Variants in NPTN observed in about 807,000 individuals in gnomAD.
NPTN encodes SDR-1.
NPTN carries 5 observed loss-of-function variants against 42.7 expected under a neutral mutation model. The observed-to-expected ratio is 0.12, with a 90% confidence interval of 0.06 to 0.25. NPTN has a LOEUF of 0.25. NPTN is among the 10% of genes least tolerant of loss of function. NPTN has a pLI of 1.00. For synonymous variants in NPTN, 180 were observed against 201.9 expected, an observed-to-expected ratio of 0.89 and a Z score of 0.92; for missense variants, 307 against 525.4, an observed-to-expected ratio of 0.58 and a Z score of 4.06.
chr15:73,627,709 C>T (rs1430095721), intron 1 of NPTN, among the ~76,000 whole-genome samples: 5 of 152,176 alleles, frequency 3.3e-5, no homozygotes, highest in African/African-American at 1.2e-4. Context: ...GTTAGGCCTA[C>T]TTTCAGTTTC....
chr15:73,602,142 G>A (rs555392002), intron 1 of NPTN, among the ~76,000 whole-genome samples: 5 of 147,654 alleles, frequency 3.4e-5, no homozygotes, highest in African/African-American at 1.3e-4. Flanking sequence ...CTATATAGGA[G>A]AGACTATCAT....
intron 1 of NPTN, chr15:73,599,410 T>TC: frequency 6.5e-6 from 1 of 152,698 alleles, no homozygotes; most frequent in Admixed American, 6.5e-5. Context: ...GGTCAGGAGT[T>TC]CAAGACCAGC....
chr15:73,561,408 C>A (rs1002535701), intron 8 of NPTN, among the ~76,000 whole-genome samples: 22 of 152,202 alleles, frequency 1.4e-4, no homozygotes, highest in African/African-American at 4.6e-4. Context: ...GCGGGGCACA[C>A]TGGCTCATGC....
Position 73,560,066 on chromosome 15 carries a change from C to A in NPTN, c.*997G>T. ...AAACAGGTGAATCCACTTTTTTATA[C>A]ATCATTGCACTTCAATAATTACACA... On this transcript the variant is annotated 3_prime_UTR_variant, in exon 9 of 9. Transcript: ENST00000345330. The A allele has an allele frequency of 1.6e-6, 1 of 614,046 alleles. No homozygotes were observed. Among genetic ancestry groups the A allele is most frequent in the Non-Finnish European group, 2.6e-6 (1 of 382,462 alleles). 38.0% of individuals were successfully genotyped at this position (614,046 alleles called of 1,614,324 possible). A position where few individuals can be genotyped will look rare whatever the true frequency, so the allele number is the denominator to read the frequency against.
intron 1 of NPTN, among the ~76,000 whole-genome samples, chr15:73,608,175 T>C (rs1897377600): frequency 6.6e-6 from 1 of 152,192 alleles, no homozygotes; most frequent in South Asian, 2.1e-4. Flanking sequence ...GATGCTTCAA[T>C]TTACCATTTA....
At chr15:73,621,939 T>A (rs1293842419) in intron 1 of NPTN, among the ~76,000 whole-genome samples, 2 of 152,082 alleles carry the variant, frequency 1.3e-5, no homozygotes, top group Non-Finnish European at 2.9e-5. Flanking sequence ...AAGGGAGAGC[T>A]CTTACAATGA....
intron 4 of NPTN, among the ~76,000 whole-genome samples, chr15:73,577,162 T>C (rs776994459): frequency 6.6e-6 from 1 of 152,216 alleles, no homozygotes; most frequent in East Asian, 1.9e-4. Flanking sequence ...AGTAAAACTA[T>C]AGATGAGAGT....
Position 73,570,197 on chromosome 15 carries a change from A to G in NPTN, c.1067T>C (p.Ile356Thr), listed in dbSNP as rs769227658. ...ILAEIIILVV[I>T]IVVYEKRKRP... is the part of the protein sequence containing the mutation. ...CTTCCTCTTCTCATACACAACAATG[A>G]TCACCACAAGGATGATAATTTCAGC... is the stretch of plus-strand genomic sequence containing the variant. Residue 356 changes from isoleucine (I) to threonine (T), a missense_variant, in exon 6 of 9, where the codon ATC becomes ACC. By Grantham distance (89) the Ile-to-Thr change is moderately conservative. Transcript: ENST00000345330. This position sits in a 1 kb window ranked among gnomAD's most constrained non-coding sequence, Gnocchi z 4.0. The G allele has an allele frequency of 6.2e-7, 1 of 1,614,026 alleles. No homozygotes were observed. The highest frequency in any genetic ancestry group is 1.1e-5 in the South Asian group (1 of 91,066).
intron 1 of NPTN, among the ~76,000 whole-genome samples, chr15:73,629,923 C>G (rs901976910): frequency 1.3e-5 from 2 of 152,068 alleles, no homozygotes; most frequent in African/African-American, 4.8e-5. Context: ...TTGGCAATTG[C>G]AGACACAGTG....
At chr15:73,621,160 A>G (rs1323413874) in intron 1 of NPTN, among the ~76,000 whole-genome samples, 2 of 152,206 alleles carry the variant, frequency 1.3e-5, no homozygotes, top group Non-Finnish European at 2.9e-5. Flanking sequence ...GATGAAAAAT[A>G]ACAAGGGTCC....
chr15:73,619,505 T>C (rs1898028088), intron 1 of NPTN, among the ~76,000 whole-genome samples: 1 of 152,212 alleles, frequency 6.6e-6, no homozygotes, highest in African/African-American at 2.4e-5. Context: ...TACATTACTG[T>C]AGTATTAGCA....
At chr15:73,589,743 A>G (rs1262443862) in intron 3 of NPTN, among the ~76,000 whole-genome samples, 1 of 151,260 alleles carries the variant, frequency 6.6e-6, no homozygotes, top group African/African-American at 2.5e-5. Flanking sequence ...ACTATGGACG[A>G]GGAGAGACAT....
intron 1 of NPTN, among the ~76,000 whole-genome samples, chr15:73,615,306 A>G (rs954546297): frequency 2.0e-5 from 3 of 152,190 alleles, no homozygotes; most frequent in African/African-American, 7.2e-5. Flanking sequence ...CTCTGAAAGG[A>G]AATTCATTAT....
chr15:73,600,164 T>A (rs545763191), intron 1 of NPTN, among the ~76,000 whole-genome samples: 139 of 152,308 alleles, frequency 9.1e-4, no homozygotes, highest in African/African-American at 3.2e-3. Context: ...GACTTCCTGC[T>A]AAGAGTAAGG....
At chr15:73,632,973 G>A (rs1275759728) in intron 1 of NPTN, 152 bp downstream of exon 1, 14 of 537,832 alleles carry the variant, frequency 2.6e-5, no homozygotes. Flanking sequence ...CCTCAAACCC[G>A]CAGCCGGTAC....
chr15:73,569,822 A>T lies in NPTN; in HGVS notation c.1114+328T>A, dbSNP rs2141358354. Reference sequence around the variant, plus strand: ...GCCTGATGATCTGTATTGAAGGAGGACAGAGCTGAACAAAGAGACTGACAG... The same window carrying T: ...GCCTGATGATCTGTATTGAAGGAGGTCAGAGCTGAACAAAGAGACTGACAG... On this transcript the variant is annotated intron_variant, in intron 6 of 8. Coordinates refer to ENST00000345330, the MANE Select transcript of NPTN (RefSeq NM_012428.4). The surrounding 1 kb of genome is among the most constrained non-coding windows in gnomAD (Gnocchi z 4.1). 1.0e-6 allele frequency: 1 copy of T among 985,376 alleles called. No homozygotes were observed. The highest frequency in any genetic ancestry group is 4.7e-5 in the South Asian group (1 of 21,282). The allele number at this position is 985,376 out of a possible 1,614,324, so 61.0% of individuals were successfully genotyped here. A position where few individuals can be genotyped will look rare whatever the true frequency, so the allele number is the denominator to read the frequency against.
chr15:73,563,957 T>C (rs1362134273), intron 6 of NPTN, among the ~76,000 whole-genome samples: 1 of 152,198 alleles, frequency 6.6e-6, no homozygotes, highest in Non-Finnish European at 1.5e-5. Flanking sequence ...AAAGACAGGC[T>C]CACTCCTGTG....
chr15:73,580,434 TATATATA>T lies in NPTN; in HGVS notation c.707-6646_707-6640del, dbSNP rs965507156. ...TAATATATATATAATATATATATAA[TATATATA>T]ATATATATGTATATATACAAAATAT... On this transcript the variant is annotated intron_variant, in intron 4 of 8. Coordinates refer to ENST00000345330, the MANE Select transcript of NPTN (RefSeq NM_012428.4). 2.1e-3 allele frequency among the ~76,000 whole-genome samples: 170 copies of T among 79,612 alleles called. 1 individual carries two copies. Among genetic ancestry groups the T allele is most frequent in the Middle Eastern group, 5.1e-3 (1 of 198 alleles). 52.2% of individuals were successfully genotyped at this position (79,612 alleles called of 152,430 possible).
At chr15:73,564,572 A>G (rs1003942839) in intron 6 of NPTN, among the ~76,000 whole-genome samples, 4 of 152,190 alleles carry the variant, frequency 2.6e-5, no homozygotes, top group Non-Finnish European at 5.9e-5. Flanking sequence ...CACTACTAAC[A>G]ACAGTATACA....
Sources: gnomAD v4.1 joint callset for allele counts (sites outside exome capture counted in the v4.1 genomes callset) on GRCh38, gnomAD v4.1.1 for gene constraint, Gnocchi (gnomAD v3.1) non-coding constraint, MANE v1.5 for transcripts, NCBI Gene and HGNC (gene_info 2026-07-23, HGNC 2026-07-21) for gene names.